HSPA12A: variants seen among roughly 807,000 people sequenced by gnomAD.
HSPA12A encodes heat shock 70 kDa protein 12A.
Under a neutral mutation model 69.2 loss-of-function variants are expected in HSPA12A, and 28 were observed. The observed-to-expected ratio is 0.40, with a 90% CI of 0.30 to 0.55. The LOEUF (loss-of-function observed/expected upper bound fraction) is 0.55. Ranked by LOEUF, HSPA12A falls within the 20% of genes least tolerant of loss-of-function variation. HSPA12A has a pLI of 0.38. For missense variants in HSPA12A, 686 were observed against 900.7 expected (o/e 0.76, Z 3.05); for synonymous variants, 345 against 370.5 (o/e 0.93, Z 0.79).
chr10:116,751,188 C>G, intron 2 of HSPA12A: 1 of 240,834 alleles, frequency 4.2e-6, no homozygotes, highest in Non-Finnish European at 8.8e-6. Flanking sequence ...CCAAAATGTC[C>G]CTTGCTCAGA....
chr10:116,692,363 T>A lies in HSPA12A; in HGVS notation c.651A>T (p.Gln217His). ...WKQPAKQFMR[Q>H]AAYQAGLASP... ...ACTCTACCCTCACCTGGTAGGCAGCTTGTCTCATGAACTGCTTGGCCGGCT... is the reference window on the plus strand; with the variant it reads ...ACTCTACCCTCACCTGGTAGGCAGCATGTCTCATGAACTGCTTGGCCGGCT... Residue 217 changes from glutamine to histidine, a missense_variant, in exon 6 of 12, where the codon CAA (glutamine) becomes CAT (histidine). Coordinates refer to ENST00000369209, the MANE Select transcript of HSPA12A (RefSeq NM_025015.3). 3.1e-6 allele frequency: 5 copies of A among 1,613,828 alleles called. No homozygotes were observed. The highest frequency in any genetic ancestry group is 4.2e-6 in the Non-Finnish European group (5 of 1,179,766).
intron 7 of HSPA12A, 23 bp downstream of exon 7, chr10:116,683,768 G>A (rs782200271): frequency 4.1e-5 from 62 of 1,499,608 alleles, no homozygotes; most frequent in East Asian, 1.9e-4. Flanking sequence ...AGAGCAGGAG[G>A]GGGAGAGAGA....
At chr10:116,782,654 C>G (rs1457352170) in intron 2 of HSPA12A, among the ~76,000 whole-genome samples, 2 of 152,196 alleles carry the variant, frequency 1.3e-5, no homozygotes, top group Non-Finnish European at 2.9e-5. Context: ...CAAAACTAAA[C>G]AGACTATTCA....
At chr10:116,795,702 A>T (rs2133159521) in intron 2 of HSPA12A, among the ~76,000 whole-genome samples, 1 of 131,384 alleles carries the variant, frequency 7.6e-6, no homozygotes, top group Non-Finnish European at 1.7e-5. Context: ...AAAAAAAAAA[A>T]AATTATAGTA....
chr10:116,679,503 T>C lies in HSPA12A; in HGVS notation c.1286A>G (p.Asn429Ser). ...GCCCGAGGTGATGAGCCCAACTCAC[T>C]TGCTTTTCCGCAAGGCGTGCTCCAC... The part of the protein sequence containing the change: ...HSVEHALRKS[N>S]VDFVKWSSQG... The change falls in exon 10 of 12, where the codon AAT becomes AGT. Residue 429 changes from asparagine to serine, a missense_variant and splice_region_variant. Coordinates refer to ENST00000369209, the MANE Select transcript of HSPA12A (RefSeq NM_025015.3). 6.2e-7 allele frequency: 1 copy of C among 1,613,056 alleles called. No homozygotes were observed.
intron 1 of HSPA12A, among the ~76,000 whole-genome samples, chr10:116,739,161 GT>G (rs1554886722): frequency 6.6e-6 from 1 of 152,176 alleles, no homozygotes; most frequent in African/African-American, 2.4e-5. Flanking sequence ...AGGAGAGGCT[GT>G]TCAGCTTGAC....
At chr10:116,743,772 C>T (rs1045644205), upstream of HSPA12A, among the ~76,000 whole-genome samples, 7 of 152,192 alleles carry the variant, frequency 4.6e-5, no homozygotes, top group African/African-American at 1.7e-4. Flanking sequence ...AAGGTGATGG[C>T]AGAGTGACAA....
chr10:116,826,457 A>G (rs72831640), intron 2 of HSPA12A, among the ~76,000 whole-genome samples: 162 of 152,324 alleles, frequency 1.1e-3, no homozygotes, highest in Non-Finnish European at 1.8e-3. Context: ...CAGATCCTCT[A>G]AGAAAGAAGT....
At chr10:116,731,518 A>G (rs1851153085) in intron 1 of HSPA12A, among the ~76,000 whole-genome samples, 1 of 152,202 alleles carries the variant, frequency 6.6e-6, no homozygotes, top group Non-Finnish European at 1.5e-5. Context: ...TCTGTGCATT[A>G]TTGTCATGCA....
Position 116,786,435 on chromosome 10 carries a change from GA to G in HSPA12A, c.91+48499del, listed in dbSNP as rs202058568. On this transcript the variant is annotated intron_variant, in intron 2 of 12. Transcript: ENST00000635765. ...CAGGTGCGTGTGTGCACATTTTCCTGAAAAAAAAAGAAAAAAAAGATCTAGT... is the reference window on the plus strand; with the variant it reads ...CAGGTGCGTGTGTGCACATTTTCCTGAAAAAAAAGAAAAAAAAGATCTAGT... 1.7e-3 allele frequency among the ~76,000 whole-genome samples: 211 copies of G among 125,432 alleles called. 4 individuals are homozygous for G. The East Asian group carries it at 0.033, about 19-fold the overall frequency. The allele number at this position is 125,432 out of a possible 152,430, so 82.3% of individuals were successfully genotyped here.
upstream of HSPA12A, chr10:116,742,598 C>G (rs1476981475): frequency 3.6e-6 from 4 of 1,101,492 alleles, no homozygotes; most frequent in African/African-American, 6.7e-5. Flanking sequence ...GCTGCTCTGA[C>G]GCGGCAGCCG....
At chr10:116,759,324 T>C (rs1843921163) in intron 2 of HSPA12A, among the ~76,000 whole-genome samples, 1 of 152,220 alleles carries the variant, frequency 6.6e-6, no homozygotes, top group South Asian at 2.1e-4. Context: ...AAATGGCAGC[T>C]GCCCCTCCCT....
chr10:116,763,620 C>A (rs930444181), intron 2 of HSPA12A, among the ~76,000 whole-genome samples: 1 of 152,104 alleles, frequency 6.6e-6, no homozygotes, highest in African/African-American at 2.4e-5. Flanking sequence ...AGGCCTTGGC[C>A]CTGGGCAAAG....
Position 116,816,295 on chromosome 10 carries a change from C to T in HSPA12A, c.91+18640G>A, listed in dbSNP as rs564920073. On this transcript the variant is annotated intron_variant, in intron 2 of 12. Transcript: ENST00000635765. ...GACGAGTGACTATATAAAACATTCC[C>T]GAAACCATTGTTCTTCCTGCTCAGC... 2.0e-5 allele frequency among the ~76,000 whole-genome samples: 3 copies of T among 152,364 alleles called. No individual in the cohort carries two copies. The South Asian group carries it at 6.2e-4, about 32-fold the overall frequency.
At chr10:116,742,699 G>A, upstream of HSPA12A, 2 of 718,014 alleles carry the variant, frequency 2.8e-6, no homozygotes, top group South Asian at 1.3e-4. Flanking sequence ...GTCGGGGAAG[G>A]CGGGCGCGGG....
intron 2 of HSPA12A, among the ~76,000 whole-genome samples, chr10:116,760,080 C>A (rs1843936353): frequency 1.3e-5 from 2 of 152,124 alleles, no homozygotes; most frequent in Non-Finnish European, 2.9e-5. Flanking sequence ...AGTGCTTACC[C>A]AGGATCCACT....
At chr10:116,747,588 G>C (rs372258228) in intron 2 of HSPA12A, among the ~76,000 whole-genome samples, 29 of 152,332 alleles carry the variant, frequency 1.9e-4, no homozygotes, top group Middle Eastern at 3.4e-3. Context: ...TGAGAGCCAA[G>C]GGTTTCATGT....
chr10:116,729,160 C>G (rs74585257), intron 1 of HSPA12A, among the ~76,000 whole-genome samples: 1 of 152,294 alleles, frequency 6.6e-6, no homozygotes, highest in East Asian at 1.9e-4. Context: ...CAAAGGGCAC[C>G]CTGCAGACTC....
intron 1 of HSPA12A, among the ~76,000 whole-genome samples, chr10:116,727,752 GTT>G (rs71859215): frequency 7.6e-6 from 1 of 131,372 alleles, no homozygotes; most frequent in African/African-American, 2.8e-5. Flanking sequence ...ATGTAAGTGG[GTT>G]TTTTTTTTTT....
Sources: gnomAD v4.1 joint callset for allele counts (sites outside exome capture counted in the v4.1 genomes callset) on GRCh38, gnomAD v4.1.1 for gene constraint, MANE v1.5 for transcripts, NCBI Gene and HGNC (gene_info 2026-07-23, HGNC 2026-07-21) for gene names.